The following KANK4 variants were observed in gnomAD, a reference collection of about 807,000 sequenced individuals.
KANK4 encodes KN motif and ankyrin repeat domain-containing protein 4.
KANK4 carries 50 observed loss-of-function variants against 80.8 expected under a neutral mutation model. The ratio of observed to expected loss-of-function variants is 0.62; its 90% CI spans 0.49 to 0.78. The LOEUF is 0.78. Ranked by LOEUF, KANK4 falls within the 30% of genes least tolerant of loss-of-function variation. The pLI is 0.00. For synonymous variants in KANK4, 465 were observed against 506.9 expected (o/e 0.92, Z 1.11); for missense variants, 1,196 against 1,240.1 (o/e 0.96, Z 0.53).
rs1205112154 is a variant in KANK4, at chr1:62,273,504, C to T, written c.1600G>A (p.Gly534Arg). The change falls in exon 3 of 10, where the codon GGG becomes AGG. Residue 534 changes from glycine (G) to arginine (R), a missense_variant. Physicochemically the swap from Gly to Arg is moderately radical, Grantham distance 125. Around this residue, in one of 3 missense-constraint regions of KANK4, gnomAD observed 1,154 missense variants for 1,179.6 expected, o/e 0.98. Transcript: ENST00000371153. ...AGATTGGAACTGGTCTCCTCCCTCC[C>T]TGCTGGGGGAGTCTTTCTGTCGCTG... ...WGSDRKTPPA[G>R]REETSSNLPG... 6.2e-7 allele frequency: 1 copy of T among 1,613,912 alleles called. No homozygotes were observed. Among genetic ancestry groups the T allele is most frequent in the Admixed American group, 1.7e-5 (1 of 60,012 alleles).
intron 1 of KANK4, among the ~76,000 whole-genome samples, chr1:62,317,841 G>T (rs1025124443): frequency 2.0e-5 from 3 of 152,214 alleles, no homozygotes; most frequent in African/African-American, 7.2e-5. Flanking sequence ...TGCCAGTTTT[G>T]TTCACTTCTG....
chr1:62,250,753 A>G (rs1353798734), intron 8 of KANK4, among the ~76,000 whole-genome samples: 1 of 152,192 alleles, frequency 6.6e-6, no homozygotes, highest in Non-Finnish European at 1.5e-5. Flanking sequence ...GTTAAAATGA[A>G]ACATTAGCTG....
rs1318365602 is a variant in KANK4 at position 62,238,288 on chromosome 1, G to A, written c.2977C>T (p.Leu993=). ...LRAHAEQGRS[L]GL is the part of the protein sequence containing the mutation. ...TTCTTCTGCAGCCCCTACAGCCCCA[G>A]GGACCTGCCCTGCTCCGCGTGGGCT... The change falls in exon 10 of 10, where the codon CTG becomes TTG. Residue 993 remains leucine (L), a synonymous_variant. Transcript: ENST00000371153. The A allele has an allele frequency of 2.5e-6, 4 of 1,613,144 alleles. No homozygotes were observed. The highest frequency in any genetic ancestry group is 4.5e-5 in the East Asian group (2 of 44,896).
At chr1:62,264,146 G>A (rs2765250) in intron 6 of KANK4, among the ~76,000 whole-genome samples, 109,549 of 152,144 alleles carry the variant, frequency 0.72, 40,055 homozygotes, top group East Asian at 0.83. Context: ...GGCCGGGCGC[G>A]GCAGCTCTCG....
chr1:62,239,456 T>C (rs1671287099), intron 9 of KANK4, among the ~76,000 whole-genome samples: 1 of 152,198 alleles, frequency 6.6e-6, no homozygotes, highest in African/African-American at 2.4e-5. Context: ...TCTGCCATCA[T>C]AATCTTAGTG....
chr1:62,283,994 G>C (rs1487801711), intron 1 of KANK4, among the ~76,000 whole-genome samples: 1 of 152,052 alleles, frequency 6.6e-6, no homozygotes, highest in Non-Finnish European at 1.5e-5. Flanking sequence ...AAATTAAGTG[G>C]AGCTGACACC....
chr1:62,252,144 G>A (rs900608716), intron 8 of KANK4, among the ~76,000 whole-genome samples: 1 of 152,186 alleles, frequency 6.6e-6, no homozygotes, highest in Non-Finnish European at 1.5e-5. Context: ...AGAAGCAGGA[G>A]ACCACCTGGT....
chr1:62,307,216 C>G (rs12066177), intron 1 of KANK4, among the ~76,000 whole-genome samples: 59 of 152,282 alleles, frequency 3.9e-4, no homozygotes, highest in African/African-American at 1.3e-3. Flanking sequence ...GGTGCGGTGG[C>G]TCACACCTGT....
At position 62,278,168 on chromosome 1, in the gene KANK4, G is replaced by T. The variant is rs1010904193; in HGVS notation, c.17-3081C>A. ...AATGTGATTTCAAAAAGAGCATCTT[G>T]CCAAGGATTAACAGAAAGGCAAACC... is the stretch of plus-strand genomic sequence containing the variant. On this transcript the variant is annotated intron_variant, in intron 2 of 9. Transcript: ENST00000371153. Among the ~76,000 whole-genome samples the T allele has an allele frequency of 2.6e-5, 4 of 152,098 alleles. 1 individual carries two copies. The highest frequency in any genetic ancestry group is 9.6e-5 in the African/African-American group (4 of 41,518).
At chr1:62,261,806 T>C (rs1326917325) in intron 7 of KANK4, among the ~76,000 whole-genome samples, 2 of 152,184 alleles carry the variant, frequency 1.3e-5, no homozygotes, top group African/African-American at 4.8e-5. Flanking sequence ...TTTTTCCCTG[T>C]CTAACCTCCA....
intron 9 of KANK4, among the ~76,000 whole-genome samples, chr1:62,246,974 C>T (rs893135783): frequency 2.6e-5 from 4 of 151,864 alleles, no homozygotes; most frequent in Non-Finnish European, 5.9e-5. Context: ...TTGGCCAGGC[C>T]GGTCTCAAAC....
In KANK4 at chr1:62,237,158, A is replaced by AT. The variant is rs1671223382; in HGVS notation, c.*1118dup. The AT allele has an allele frequency of 7.2e-6, 1 of 138,718 alleles. No individual in the cohort carries two copies. Among genetic ancestry groups the AT allele is most frequent in the Admixed American group, 7.5e-5 (1 of 13,356 alleles). The allele number at this position is 138,718 out of a possible 1,614,324, so 8.6% of individuals were successfully genotyped here. On this transcript the variant is annotated 3_prime_UTR_variant, in exon 10 of 10. Transcript: ENST00000371153. ...TTTTTTTTTTTTTTTTGCATAAGAG[A>AT]TTTTAAGAGAGCAGATTTAAGAAAG...
At chr1:62,281,452 C>T (rs1672449021) in intron 2 of KANK4, 97 bp downstream of exon 2, 3 of 1,433,896 alleles carry the variant, frequency 2.1e-6, no homozygotes, top group Non-Finnish European at 3.0e-6. Context: ...ATATCTCCTG[C>T]AGGCCTTTCC....
At chr1:62,294,720 T>C (rs1644346798) in intron 1 of KANK4, among the ~76,000 whole-genome samples, 1 of 152,190 alleles carries the variant, frequency 6.6e-6, no homozygotes, top group Non-Finnish European at 1.5e-5. Flanking sequence ...CACCTAACCC[T>C]CTGGCAAGTT....
At chr1:62,311,243 C>T (rs775427672) in intron 1 of KANK4, among the ~76,000 whole-genome samples, 31 of 151,640 alleles carry the variant, frequency 2.0e-4, no homozygotes, top group African/African-American at 4.9e-4. Flanking sequence ...CTTGATATCT[C>T]GGGTACCCTA....
chr1:62,311,193 T>G (rs1010713723), intron 1 of KANK4, among the ~76,000 whole-genome samples: 4 of 152,148 alleles, frequency 2.6e-5, no homozygotes, highest in Admixed American at 6.5e-5. Flanking sequence ...AACAAGTTTC[T>G]AGAATCAGGC....
intron 9 of KANK4, among the ~76,000 whole-genome samples, chr1:62,244,098 C>T (rs1671409996): frequency 1.3e-5 from 2 of 152,040 alleles, no homozygotes; most frequent in South Asian, 2.1e-4. Flanking sequence ...CCCCATTTTA[C>T]AGATGAGCAT....
rs1427518835 is a variant in KANK4, at chr1:62,271,461, T to G, written c.2012+17A>C. ...GGTAGCAAGAAAGGCAGTCTGAGCT[T>G]CACAAGCGATGCTTACCCACCGTTA... On this transcript the variant is annotated intron_variant, in intron 4 of 9. Transcript: ENST00000371153. 1 of 1,548,092 alleles carries G rather than the reference T, an allele frequency of 6.5e-7. No homozygotes were observed. The highest frequency in any genetic ancestry group is 8.9e-7 in the Non-Finnish European group (1 of 1,120,042).
chr1:62,261,985 A>G (rs926163514), intron 7 of KANK4, among the ~76,000 whole-genome samples: 1 of 152,142 alleles, frequency 6.6e-6, no homozygotes, highest in Non-Finnish European at 1.5e-5. Context: ...CTAGGCTGTG[A>G]GCTCCCAAGA....
Sources: gnomAD v4.1 joint callset for allele counts (sites outside exome capture counted in the v4.1 genomes callset) on GRCh38, gnomAD v4.1.1 for gene constraint, gnomAD v4.1.1 regional missense constraint, MANE v1.5 for transcripts, NCBI Gene and HGNC (gene_info 2026-07-23, HGNC 2026-07-21) for gene names.